Variants in JHY observed in about 807,000 individuals in gnomAD.
JHY encodes junctional cadherin complex regulator.
A neutral mutation model predicts 78.0 loss-of-function variants in JHY; 69 were observed. That is an observed-to-expected ratio of 0.88 (90% CI 0.73 to 1.08). The LOEUF (loss-of-function observed/expected upper bound fraction) is 1.08. JHY is among the 50% of genes least tolerant of loss of function. JHY has a pLI of 0.00. For missense variants in JHY, 944 were observed against 927.8 expected, an observed-to-expected ratio of 1.02 and a Z score of -0.23; for synonymous variants, 368 against 342.6, an observed-to-expected ratio of 1.07 and a Z score of -0.82.
intron 6 of JHY, among the ~76,000 whole-genome samples, chr11:122,950,926 T>C (rs1591399517): frequency 6.6e-6 from 1 of 152,212 alleles, no homozygotes; most frequent in Non-Finnish European, 1.5e-5. Flanking sequence ...ACAATCTGTA[T>C]ATCCATTTTC....
intron 3 of JHY, among the ~76,000 whole-genome samples, chr11:122,924,407 T>A (rs1389469030): frequency 1.3e-5 from 2 of 152,168 alleles, no homozygotes; most frequent in Admixed American, 6.5e-5. Flanking sequence ...AAGGGGGTAA[T>A]AACATATGCA....
chr11:122,886,128 T>C lies in JHY; in HGVS notation c.279T>C (p.Ser93=), dbSNP rs1273919191. The change falls in exon 2 of 9, where the codon AGT becomes AGC. Residue 93 remains serine (S), a synonymous_variant. Coordinates refer to ENST00000227349, the MANE Select transcript of JHY (RefSeq NM_024806.4). The part of the protein sequence containing the change: ...GSLHEMEEEA[S]GKAAQMAREQ... ...TGCACGAGATGGAAGAGGAAGCAAG[T>C]GGAAAAGCAGCTCAGATGGCTCGCG... The C allele has an allele frequency of 1.9e-6, 3 of 1,613,720 alleles. No homozygotes were observed. The highest frequency in any genetic ancestry group is 2.5e-6 in the Non-Finnish European group (3 of 1,179,984).
Position 122,916,836 on chromosome 11 carries a change from G to T in JHY, c.865-8061G>T, listed in dbSNP as rs117336140. On this transcript the variant is annotated intron_variant, in intron 3 of 8. Transcript: ENST00000227349. ...GTATTTTTAGTAGAGATAGGGTTTCGCCCGGCTGCTTTCAAACTCCTGGCC... is the reference window on the plus strand; with the variant it reads ...GTATTTTTAGTAGAGATAGGGTTTCTCCCGGCTGCTTTCAAACTCCTGGCC... 3.4e-3 allele frequency among the ~76,000 whole-genome samples: 511 copies of T among 151,854 alleles called. 10 individuals are homozygous for T. The highest frequency in any genetic ancestry group is 0.027 in the Admixed American group (405 of 15,218).
chr11:122,920,763 G>A (rs1341397474), intron 3 of JHY, among the ~76,000 whole-genome samples: 1 of 152,144 alleles, frequency 6.6e-6, no homozygotes, highest in East Asian at 1.9e-4. Flanking sequence ...CCTTACCTCA[G>A]TGTAAACACC....
Position 122,883,418 on chromosome 11 carries a change from C to T in JHY, c.-90+446C>T, listed in dbSNP as rs189116354. Among the ~76,000 whole-genome samples the T allele has an allele frequency of 6.6e-6, 1 of 152,268 alleles. No homozygotes were observed. The highest frequency in any genetic ancestry group is 1.9e-4 in the East Asian group (1 of 5,186). On this transcript the variant is annotated intron_variant, in intron 1 of 8. Transcript: ENST00000227349. The surrounding 1 kb of genome is among the most constrained non-coding windows in gnomAD (Gnocchi z 4.4). ...GTGAGCCCAAGCAGGGTTCCTTTTC[C>T]CCTCCAGGAGAAAGTTCGATTGTCC...
intron 3 of JHY, chr11:122,905,200 G>A (rs370773061): frequency 4.3e-6 from 7 of 1,613,862 alleles, no homozygotes; most frequent in East Asian, 4.5e-5. Context: ...TCTCTCCCAC[G>A]TGATGGATTC....
chr11:122,894,588 A>C (rs942731321), intron 2 of JHY, among the ~76,000 whole-genome samples: 2 of 152,250 alleles, frequency 1.3e-5, no homozygotes, highest in Admixed American at 1.3e-4. Flanking sequence ...TTGGTTTCAC[A>C]TGACATAATC....
chr11:122,889,710 C>T (rs1466528746), intron 2 of JHY, among the ~76,000 whole-genome samples: 3 of 152,024 alleles, frequency 2.0e-5, no homozygotes, highest in Non-Finnish European at 4.4e-5. Flanking sequence ...CTGGAGGTGC[C>T]ATTATATATT....
chr11:122,930,481 A>G (rs796434034), intron 4 of JHY, among the ~76,000 whole-genome samples: 41 of 152,330 alleles, frequency 2.7e-4, no homozygotes, highest in African/African-American at 9.4e-4. Flanking sequence ...AGAAAGAACG[A>G]GAAACCAGAG....
intron 5 of JHY, among the ~76,000 whole-genome samples, chr11:122,942,607 A>G (rs1218563388): frequency 6.6e-6 from 1 of 152,070 alleles, no homozygotes; most frequent in Non-Finnish European, 1.5e-5. Context: ...TATTTTTAGT[A>G]GAGACAGAGT....
intron 4 of JHY, among the ~76,000 whole-genome samples, chr11:122,925,920 G>A (rs1476660004): frequency 2.0e-5 from 3 of 152,074 alleles, no homozygotes. Context: ...AGGAGGCTGA[G>A]GCAGGAGAAT....
At chr11:122,954,351 GA>G (rs1864149174) in intron 6 of JHY, among the ~76,000 whole-genome samples, 1 of 152,214 alleles carries the variant, frequency 6.6e-6, no homozygotes, top group Non-Finnish European at 1.5e-5. Flanking sequence ...GTGCTGAGGA[GA>G]ATGTTTGTCT....
chr11:122,939,606 C>T (rs1461933018), intron 5 of JHY, among the ~76,000 whole-genome samples: 1 of 152,148 alleles, frequency 6.6e-6, no homozygotes, highest in Non-Finnish European at 1.5e-5. Context: ...AGTTAAATTG[C>T]ATGCTTATTC....
At chr11:122,915,535 C>T (rs558989181) in intron 3 of JHY, among the ~76,000 whole-genome samples, 31 of 152,216 alleles carry the variant, frequency 2.0e-4, no homozygotes, top group Non-Finnish European at 3.5e-4. Flanking sequence ...TTTTTTGAGA[C>T]AGAGTCTCGC....
At chr11:122,913,566 C>G (rs150880963) in intron 3 of JHY, among the ~76,000 whole-genome samples, 1 of 152,156 alleles carries the variant, frequency 6.6e-6, no homozygotes, top group African/African-American at 2.4e-5. Context: ...AGCCCAGACC[C>G]GGCATTTCCT....
chr11:122,915,758 C>T (rs1189061045), intron 3 of JHY, among the ~76,000 whole-genome samples: 1 of 152,160 alleles, frequency 6.6e-6, no homozygotes, highest in Non-Finnish European at 1.5e-5. Context: ...AAGTGATCCA[C>T]CCGCCTCAGC....
At chr11:122,932,550 T>A (rs80173357) in intron 4 of JHY, among the ~76,000 whole-genome samples, 41 of 152,304 alleles carry the variant, frequency 2.7e-4, no homozygotes, top group African/African-American at 9.1e-4. Context: ...GATGGCAGCA[T>A]CCTGGTTACT....
intron 3 of JHY, among the ~76,000 whole-genome samples, chr11:122,920,136 TC>T (rs1863330641): frequency 6.6e-6 from 1 of 152,124 alleles, no homozygotes; most frequent in African/African-American, 2.4e-5. Flanking sequence ...CAGGTGTGAA[TC>T]GACACACAGC....
rs1036776780 is a variant in JHY, at chr11:122,960,819, C to T, written c.*1374C>T. On this transcript the variant is annotated 3_prime_UTR_variant, in exon 9 of 9. Coordinates refer to ENST00000227349, the MANE Select transcript of JHY (RefSeq NM_024806.4). ...GTCGCAGCGCTCACTGGTTCAGAAG[C>T]GCCATTACCTTTTTGATGTGCAGAG... 8.4e-6 allele frequency: 5 copies of T among 597,996 alleles called. No homozygotes were observed. Among genetic ancestry groups the T allele is most frequent in the East Asian group, 3.2e-5 (1 of 31,670 alleles). The allele number at this position is 597,996 out of a possible 1,614,324, so 37.0% of individuals were successfully genotyped here. A position where few individuals can be genotyped will look rare whatever the true frequency, so the allele number is the denominator to read the frequency against.
Sources: allele counts gnomAD v4.1 joint callset (sites outside exome capture counted in the v4.1 genomes callset), GRCh38; gene constraint gnomAD v4.1.1; non-coding constraint Gnocchi (gnomAD v3.1); transcripts MANE v1.5; gene names NCBI Gene and HGNC (gene_info 2026-07-23, HGNC 2026-07-21).